The following ZBTB10 variants were observed in gnomAD, a reference collection of about 807,000 sequenced individuals.
The protein encoded by ZBTB10 is zinc finger and BTB domain-containing protein 10.
A neutral mutation model predicts 76.4 loss-of-function variants in ZBTB10; 32 were observed. The observed-to-expected ratio is 0.42, with a 90% confidence interval of 0.32 to 0.56. The LOEUF is 0.56. Ranked by LOEUF, ZBTB10 falls within the 20% of genes least tolerant of loss-of-function variation. ZBTB10 has a pLI of 0.14. For missense variants in ZBTB10, 1,057 were observed against 1,098.5 expected, an observed-to-expected ratio of 0.96 and a Z score of 0.53; for synonymous variants, 523 against 432.9, an observed-to-expected ratio of 1.21 and a Z score of -2.58.
Position 80,487,441 on chromosome 8 carries a change from G to A in ZBTB10, c.631G>A (p.Gly211Ser). Residue 211 changes from glycine (G) to serine (S), a missense_variant, in exon 1 of 6, where the codon GGC (glycine) becomes AGC (serine). By Grantham distance (56) the Gly-to-Ser change is moderately conservative. Around this residue, in one of 5 missense-constraint regions of ZBTB10, gnomAD observed 556 missense variants for 451.7 expected, o/e 1.23. Coordinates refer to ENST00000455036, the MANE Select transcript of ZBTB10 (RefSeq NM_001105539.3). The stretch of plus-strand genomic sequence containing the variant: ...CAGCTGCAGCAGCAGCAGGCGGTCG[G>A]GCGGCGATGGCGGGGACGAAGTGGA... ...GGSCSSSRRS[G>S]GDGGDEVEGS... The A allele has an allele frequency of 6.5e-7, 1 of 1,545,960 alleles. No homozygotes were observed. Among genetic ancestry groups the A allele is most frequent in the Non-Finnish European group, 8.8e-7 (1 of 1,142,848 alleles).
At chr8:80,499,269 T>G (rs974785875) in intron 1 of ZBTB10, among the ~76,000 whole-genome samples, 29 of 152,198 alleles carry the variant, frequency 1.9e-4, no homozygotes, top group Admixed American at 6.5e-5. Flanking sequence ...TGAATGTTAT[T>G]TTTAAAATGA....
chr8:80,487,970 A>G (rs898358862), intron 1 of ZBTB10, among the ~76,000 whole-genome samples, 188 bp downstream of exon 1: 1 of 152,148 alleles, frequency 6.6e-6, no homozygotes, highest in Non-Finnish European at 1.5e-5. Context: ...AAGTTTTATA[A>G]AAGTTCTGTA....
rs548652520 is a variant in ZBTB10 at position 80,496,237 on chromosome 8, G to T, written c.973-3257G>T. On this transcript the variant is annotated intron_variant, in intron 1 of 5. Transcript: ENST00000455036. ...TTATTGAGTTTAGCAAATGATATTG[G>T]CAGTTTATTTTAGTGCTTTGTGCTT... 5.9e-5 allele frequency among the ~76,000 whole-genome samples: 9 copies of T among 152,214 alleles called. No homozygotes were observed. In the East Asian group the frequency reaches 1.5e-3, roughly 26 times the overall value.
At chr8:80,511,951 T>C (rs1162932681) in intron 2 of ZBTB10, among the ~76,000 whole-genome samples, 1 of 152,158 alleles carries the variant, frequency 6.6e-6, no homozygotes, top group Admixed American at 6.5e-5. Flanking sequence ...TGCATTATGA[T>C]AAATACTAGG....
At position 80,524,287 on chromosome 8, in the gene ZBTB10, A is replaced by G. The variant is rs1816505952; in HGVS notation, c.*4759A>G. 1 of 152,118 alleles carries G rather than the reference A, an allele frequency of 6.6e-6. No homozygotes were observed. The highest frequency in any genetic ancestry group is 1.5e-5 in the Non-Finnish European group (1 of 67,944). The allele number at this position is 152,118 out of a possible 1,614,324, so 9.4% of individuals were successfully genotyped here. On this transcript the variant is annotated 3_prime_UTR_variant, in exon 6 of 6. Coordinates refer to ENST00000455036, the MANE Select transcript of ZBTB10 (RefSeq NM_001105539.3). ...GTACATAAATGACAGACTACCTCCA[A>G]GTAATCCTGCTTTAATTAATAGCAG...
rs933208902 is a variant in ZBTB10 at position 80,486,602 on chromosome 8, C to T, written c.-209C>T. 13 of 981,774 alleles carry T rather than the reference C, an allele frequency of 1.3e-5. No homozygotes were observed. Among genetic ancestry groups the T allele is most frequent in the South Asian group, 4.7e-5 (1 of 21,326 alleles). 60.8% of individuals were successfully genotyped at this position (981,774 alleles called of 1,614,324 possible). A position where few individuals can be genotyped will look rare whatever the true frequency, so the allele number is the denominator to read the frequency against. On this transcript the variant is annotated 5_prime_UTR_variant, in exon 1 of 6. Transcript: ENST00000455036. Reference sequence around the variant, plus strand: ...GAGAGAGCGGTCGGAGGCGTCGGCCCGGCAGCGGCAGCGGCAGCGGACGCG... The same window carrying T: ...GAGAGAGCGGTCGGAGGCGTCGGCCTGGCAGCGGCAGCGGCAGCGGACGCG...
rs777786874 is a variant in ZBTB10, at chr8:80,518,409, C to T, written c.1967C>T (p.Ser656Leu). 9 of 1,550,064 alleles carry T rather than the reference C, an allele frequency of 5.8e-6. No individual in the cohort carries two copies. In the South Asian group the frequency reaches 1.1e-4, roughly 18 times the overall value. The change falls in exon 4 of 6, where the codon TCA (serine) becomes TTA (leucine). Residue 656 changes from serine to leucine, a missense_variant. Coordinates refer to ENST00000455036, the MANE Select transcript of ZBTB10 (RefSeq NM_001105539.3). ...TSQDGGDAGT[S>L]HDFKYGLMPG... is the part of the protein sequence containing the mutation. Reference sequence around the variant, plus strand: ...GAATTTTTACTTGTACTAGGTACTTCACATGATTTCAAGTATGGTTTGATG... The same window carrying T: ...GAATTTTTACTTGTACTAGGTACTTTACATGATTTCAAGTATGGTTTGATG...
chr8:80,498,392 A>G (rs978372481), intron 1 of ZBTB10, among the ~76,000 whole-genome samples: 1 of 152,238 alleles, frequency 6.6e-6, no homozygotes, highest in African/African-American at 2.4e-5. Context: ...TTTGTGCCAA[A>G]GAATTGACAC....
rs750695543 is a variant in ZBTB10, at chr8:80,486,863, T to C, written c.53T>C (p.Leu18Ser). ...ACGCTGGCGTTCCGAGGAGGCGGGT[T>C]GGTCACCGCTAGCGGCGGCGGCTCC... ...RRTLAFRGGG[L>S]VTASGGGSTN... Residue 18 changes from leucine (L) to serine (S), a missense_variant, in exon 1 of 6, where the codon TTG becomes TCG. Physicochemically the swap from Leu to Ser is moderately radical, Grantham distance 145. Coordinates refer to ENST00000455036, the MANE Select transcript of ZBTB10 (RefSeq NM_001105539.3). 1.1e-5 allele frequency: 17 copies of C among 1,508,680 alleles called. No homozygotes were observed. In the South Asian group the frequency reaches 1.4e-4, roughly 12 times the overall value. 93.5% of individuals were successfully genotyped at this position (1,508,680 alleles called of 1,614,324 possible).
At chr8:80,505,417 A>T (rs973776129) in intron 2 of ZBTB10, among the ~76,000 whole-genome samples, 4 of 152,188 alleles carry the variant, frequency 2.6e-5, no homozygotes, top group Non-Finnish European at 4.4e-5. Flanking sequence ...CCACAAGCTG[A>T]TGTAGTTCTA....
At chr8:80,496,284 C>CCT (rs1401588597) in intron 1 of ZBTB10, among the ~76,000 whole-genome samples, 2 of 151,422 alleles carry the variant, frequency 1.3e-5, no homozygotes, top group Non-Finnish European at 2.9e-5. Context: ...TAACCCAAAT[C>CCT]CTCTAATAAT....
chr8:80,514,161 T>C (rs1816269556), intron 3 of ZBTB10, among the ~76,000 whole-genome samples, 153 bp downstream of exon 3: 2 of 152,216 alleles, frequency 1.3e-5, no homozygotes, highest in East Asian at 3.8e-4. Context: ...GACTGGAAAA[T>C]TGGTAAATGC....
intron 2 of ZBTB10, among the ~76,000 whole-genome samples, chr8:80,512,167 T>C (rs1816210699): frequency 6.6e-6 from 1 of 152,154 alleles, no homozygotes; most frequent in South Asian, 2.1e-4. Flanking sequence ...CTCTAAGCAA[T>C]AATGCTACAT....
intron 2 of ZBTB10, among the ~76,000 whole-genome samples, chr8:80,509,980 T>C (rs1489908817): frequency 6.6e-6 from 1 of 152,160 alleles, no homozygotes; most frequent in African/African-American, 2.4e-5. Context: ...CATGAAGATA[T>C]TATTTAAAAT....
chr8:80,503,722 A>G (rs1039789658), intron 2 of ZBTB10, among the ~76,000 whole-genome samples: 1 of 152,024 alleles, frequency 6.6e-6, no homozygotes, highest in Non-Finnish European at 1.5e-5. Flanking sequence ...GTTTCACTAT[A>G]TGTTGGCCAG....
At chr8:80,499,464 T>C in intron 1 of ZBTB10, 30 bp from the exon 2 acceptor site, 1 of 1,525,050 alleles carries the variant, frequency 6.6e-7, no homozygotes, top group Non-Finnish European at 8.8e-7. Flanking sequence ...TCAATAAAGT[T>C]TAATATTAAT....
In ZBTB10 at chr8:80,500,002, G is replaced by A. The variant is rs766920629; in HGVS notation, c.1481G>A (p.Arg494Gln). The change falls in exon 2 of 6, where the codon CGG (arginine) becomes CAG (glutamine). Residue 494 changes from arginine (R) to glutamine (Q), a missense_variant. By Grantham distance (43) the Arg-to-Gln change is conservative. This residue lies in a region of ZBTB10 where 306 missense variants were observed against 297.5 expected (regional missense o/e 1.03). Coordinates refer to ENST00000455036, the MANE Select transcript of ZBTB10 (RefSeq NM_001105539.3). Reference protein sequence around the residue: ...PVNRDGLSSSRDQKIASFWAT... With the variant: ...PVNRDGLSSSQDQKIASFWAT... ...AATAGAGATGGTCTGTCTTCATCAC[G>A]GGATCAAAAAATTGCCAGTTTTTGG... 6.8e-6 allele frequency: 11 copies of A among 1,613,772 alleles called. No homozygotes were observed. The highest frequency in any genetic ancestry group is 4.0e-5 in the African/African-American group (3 of 74,900).
intron 1 of ZBTB10, among the ~76,000 whole-genome samples, chr8:80,493,197 GC>G (rs890126072): frequency 9.2e-6 from 1 of 108,746 alleles, no homozygotes; most frequent in Non-Finnish European, 1.9e-5. Context: ...CTCAAAACGC[GC>G]GCGCGCGCGC....
In ZBTB10 at chr8:80,520,303, T is replaced by C. The variant is rs1203514640; in HGVS notation, c.*775T>C. On this transcript the variant is annotated 3_prime_UTR_variant, in exon 6 of 6. Transcript: ENST00000455036. ...CACTAAAATGATTATGATTTAGAAG[T>C]AACTTTCTTCTGCTGCTCTAATCTG... 6.6e-6 allele frequency: 1 copy of C among 152,542 alleles called. No homozygotes were observed. Among genetic ancestry groups the C allele is most frequent in the Non-Finnish European group, 1.5e-5 (1 of 67,988 alleles). 9.4% of individuals were successfully genotyped at this position (152,542 alleles called of 1,614,324 possible).
Sources: allele counts gnomAD v4.1 joint callset (sites outside exome capture counted in the v4.1 genomes callset), GRCh38; gene constraint gnomAD v4.1.1; regional missense constraint gnomAD v4.1.1; transcripts MANE v1.5; gene names NCBI Gene and HGNC (gene_info 2026-07-23, HGNC 2026-07-21).